The following KMT2C variants were observed in gnomAD, a reference collection of about 807,000 sequenced individuals.
KMT2C encodes histone-lysine N-methyltransferase 2C.
KMT2C carries 88 observed loss-of-function variants against 507.9 expected under a neutral mutation model. That is an observed-to-expected ratio of 0.17 (90% CI 0.15 to 0.21). The LOEUF (loss-of-function observed/expected upper bound fraction) is 0.21. Ranked by LOEUF, KMT2C falls within the 10% of genes least tolerant of loss-of-function variation. The pLI is 1.00. For missense variants in KMT2C, 4,954 were observed against 5,957.8 expected (o/e 0.83, Z 5.55); for synonymous variants, 2,049 against 2,080.8 (o/e 0.98, Z 0.42).
At chr7:152,354,511 C>T (rs891157335) in intron 2 of KMT2C, among the ~76,000 whole-genome samples, 9 of 152,114 alleles carry the variant, frequency 5.9e-5, no homozygotes, top group Non-Finnish European at 1.3e-4. Context: ...ATTAAATGTC[C>T]TATCTGTTAC....
chr7:152,357,801 T>G (rs1180428244), intron 2 of KMT2C, among the ~76,000 whole-genome samples: 1 of 152,190 alleles, frequency 6.6e-6, no homozygotes, highest in Non-Finnish European at 1.5e-5. Flanking sequence ...GCAACACATC[T>G]GACAACTGTA....
At chr7:152,428,073 C>CATT (rs2097837310) in intron 1 of KMT2C, among the ~76,000 whole-genome samples, 1 of 151,988 alleles carries the variant, frequency 6.6e-6, no homozygotes, top group Non-Finnish European at 1.5e-5. Flanking sequence ...TATTTGAGTG[C>CATT]CTACATTCAA....
At chr7:152,358,757 C>T (rs773052335) in intron 1 of KMT2C, 82 bp from the exon 2 acceptor site, 30 of 854,466 alleles carry the variant, frequency 3.5e-5, no homozygotes, top group Non-Finnish European at 5.1e-5. Context: ...ACATAAGGCA[C>T]AATTTGAAGG....
chr7:152,373,964 G>A (rs1235125164), intron 1 of KMT2C, among the ~76,000 whole-genome samples: 1 of 152,056 alleles, frequency 6.6e-6, no homozygotes, highest in Non-Finnish European at 1.5e-5. Flanking sequence ...TATAGAATAT[G>A]ATAAAGTGCT....
chr7:152,178,946 C>T (rs946050515), intron 37 of KMT2C, among the ~76,000 whole-genome samples: 1 of 152,100 alleles, frequency 6.6e-6, no homozygotes, highest in Non-Finnish European at 1.5e-5. Flanking sequence ...ATGGAAAGTT[C>T]CTAAAGGGAA....
rs770278110 is a variant in KMT2C, at chr7:152,160,494, A to G, written c.11461-1422T>C. ...ATCACCTGGGGATCTTCCTAAGTCTACATTCTGAGAAGCAGGTGTGTGGCG... is the reference window on the plus strand; with the variant it reads ...ATCACCTGGGGATCTTCCTAAGTCTGCATTCTGAGAAGCAGGTGTGTGGCG... On this transcript the variant is annotated intron_variant, in intron 43 of 58. Coordinates refer to ENST00000262189, the MANE Select transcript of KMT2C (RefSeq NM_170606.3). 9.7e-4 allele frequency among the ~76,000 whole-genome samples: 147 copies of G among 152,210 alleles called. 1 individual carries two copies. The highest frequency in any genetic ancestry group is 1.6e-3 in the Non-Finnish European group (112 of 68,002).
chr7:152,151,137 T>A, intron 50 of KMT2C, 130 bp from the exon 51 acceptor site: 1 of 646,570 alleles, frequency 1.5e-6, no homozygotes, highest in Non-Finnish European at 2.6e-6. Flanking sequence ...GAAAGGAAAC[T>A]ATGTTCCAAT....
At chr7:152,309,872 AC>A (rs1466451442) in intron 6 of KMT2C, 93 bp downstream of exon 6, 1 of 793,912 alleles carries the variant, frequency 1.3e-6, no homozygotes, top group Non-Finnish European at 2.1e-6. Flanking sequence ...GAGCTTTTAC[AC>A]TACAGCAATC....
intron 1 of KMT2C, among the ~76,000 whole-genome samples, chr7:152,392,988 T>C (rs2097511793): frequency 6.6e-6 from 1 of 152,134 alleles, no homozygotes; most frequent in East Asian, 1.9e-4. Context: ...CCAGCTACTC[T>C]GGAGGCTGAG....
intron 6 of KMT2C, among the ~76,000 whole-genome samples, chr7:152,297,041 GAA>G (rs1563766572): frequency 3.2e-5 from 3 of 94,732 alleles, no homozygotes; most frequent in Admixed American, 1.2e-4. Flanking sequence ...AAGAAAGAAA[GAA>G]AGAAAGAAAG....
intron 1 of KMT2C, among the ~76,000 whole-genome samples, chr7:152,418,863 A>C (rs2097761938): frequency 1.6e-5 from 2 of 125,746 alleles, no homozygotes; most frequent in Non-Finnish European, 3.1e-5. Context: ...TAGTATCACA[A>C]AAAAAAAAAA....
intron 1 of KMT2C, among the ~76,000 whole-genome samples, chr7:152,387,625 C>T (rs759750817): frequency 1.3e-5 from 2 of 152,198 alleles, no homozygotes; most frequent in Non-Finnish European, 2.9e-5. Context: ...CGCCCACCAC[C>T]ATACCCGGCT....
chr7:152,232,605 A>G (rs117990809), intron 16 of KMT2C, among the ~76,000 whole-genome samples: 1,906 of 152,258 alleles, frequency 0.013, 40 homozygotes, highest in African/African-American at 0.044. Context: ...GGGAAATAAG[A>G]AGGACTGAGG....
At chr7:152,209,743 TA>T (rs1174360544) in intron 23 of KMT2C, among the ~76,000 whole-genome samples, 6,273 of 116,246 alleles carry the variant, frequency 0.054, 250 homozygotes, top group African/African-American at 0.13. Flanking sequence ...CAATCTCCTT[TA>T]AAAAAAAAAA....
intron 52 of KMT2C, among the ~76,000 whole-genome samples, 157 bp from the exon 53 acceptor site, chr7:152,146,892 A>G (rs2091155180): frequency 6.6e-6 from 1 of 152,216 alleles, no homozygotes; most frequent in African/African-American, 2.4e-5. Flanking sequence ...AATCTAATGA[A>G]CCTGTTTATT....
chr7:152,231,275 T>C (rs1338944066), intron 16 of KMT2C, among the ~76,000 whole-genome samples: 2 of 152,244 alleles, frequency 1.3e-5, no homozygotes, highest in East Asian at 3.8e-4. Context: ...GGTTTGTTAA[T>C]AATTTCTAGA....
In KMT2C at chr7:152,154,124, G is replaced by A. The variant is rs1348058645; in HGVS notation, c.12162C>T (p.Asp4054=). Residue 4054 remains aspartate (D), a synonymous_variant, in exon 48 of 59, where the codon GAC becomes GAT. Coordinates refer to ENST00000262189, the MANE Select transcript of KMT2C (RefSeq NM_170606.3). ...ATAAAGTGCCTGGCTCAGTTTTGAT[G>A]TCATTCCTTCTTGATTCTGAACCTT... ...AGKSSESRRN[D]IKTEPGTLYF... is the part of the protein sequence containing the mutation. 1.9e-6 allele frequency: 3 copies of A among 1,613,978 alleles called. No homozygotes were observed. Among genetic ancestry groups the A allele is most frequent in the Non-Finnish European group, 2.5e-6 (3 of 1,179,998 alleles).
chr7:152,176,937 GT>G lies in KMT2C; in HGVS notation c.8515del (p.Thr2839LeufsTer24). 6.2e-7 allele frequency: 1 copy of G among 1,614,080 alleles called. No homozygotes were observed. Among genetic ancestry groups the G allele is most frequent in the Non-Finnish European group, 8.5e-7 (1 of 1,180,000 alleles). On this transcript the variant is annotated frameshift_variant, in exon 38 of 59. Coordinates refer to ENST00000262189, the MANE Select transcript of KMT2C (RefSeq NM_170606.3). LOFTEE classifies it high-confidence loss of function. Reference sequence around the variant, plus strand: ...ATCTTTATTCTCATCATTTTTTTCAGTTTCACATTTGGATTCCACCTTAGAA... The same window carrying G: ...ATCTTTATTCTCATCATTTTTTTCAGTTCACATTTGGATTCCACCTTAGAA... The part of the protein sequence containing the change: ...PNSKVESKCE[T>X]EKNDENKDNV...
chr7:152,144,194 TGGGTCTGCAGCTCA>T lies in KMT2C; in HGVS notation c.14343+505_14343+518del, dbSNP rs1361971410. Reference sequence around the variant, plus strand: ...AATGCTGAACAGGCATTTGGATATTTGGGTCTGCAGCTCAGGAAGTATGGACTATAGGTGTAAAC... The same window carrying T: ...AATGCTGAACAGGCATTTGGATATTTGGAAGTATGGACTATAGGTGTAAAC... On this transcript the variant is annotated intron_variant, in intron 55 of 58. Transcript: ENST00000262189. The surrounding 1 kb of genome is among the most constrained non-coding windows in gnomAD (Gnocchi z 4.4). Among the ~76,000 whole-genome samples the T allele has an allele frequency of 5.3e-5, 8 of 150,788 alleles. No individual in the cohort carries two copies. The highest frequency in any genetic ancestry group is 7.5e-5 in the Non-Finnish European group (5 of 67,056).
Sources: allele counts gnomAD v4.1 joint callset (sites outside exome capture counted in the v4.1 genomes callset), GRCh38; gene constraint gnomAD v4.1.1; non-coding constraint Gnocchi (gnomAD v3.1); transcripts MANE v1.5; gene names NCBI Gene and HGNC (gene_info 2026-07-23, HGNC 2026-07-21).